Variants in FHIT observed in about 807,000 individuals in gnomAD.
FHIT encodes fragile histidine triad diadenosine triphosphatase.
FHIT carries 19 observed loss-of-function variants against 17.9 expected under a neutral mutation model. The observed-to-expected ratio is 1.06, with a 90% CI of 0.74 to 1.56. The LOEUF is 1.56. FHIT is among the 40% of genes most tolerant of loss of function. The probability of loss-of-function intolerance (pLI) is 0.00; values close to 1 mark genes in which losing one functional copy is unlikely to be tolerated. For synonymous variants in FHIT, 81 were observed against 69.7 expected (o/e 1.16, Z -0.81); for missense variants, 248 against 189.2 (o/e 1.31, Z -1.82).
intron 3 of FHIT, among the ~76,000 whole-genome samples, chr3:60,898,403 C>T (rs577491562): frequency 6.6e-5 from 10 of 152,246 alleles, no homozygotes; most frequent in African/African-American, 2.4e-4. Context: ...TTAAATAGTA[C>T]ACAAGATTTT....
intron 5 of FHIT, among the ~76,000 whole-genome samples, chr3:60,082,508 G>A (rs1703332276): frequency 6.6e-6 from 1 of 152,094 alleles, no homozygotes; most frequent in African/African-American, 2.4e-5. Context: ...GAATTACTGG[G>A]TTGAACAGTA....
chr3:60,008,494 G>C (rs955383766), intron 7 of FHIT, among the ~76,000 whole-genome samples: 5 of 152,094 alleles, frequency 3.3e-5, no homozygotes, highest in African/African-American at 9.7e-5. Context: ...ACCCTACAGT[G>C]GTATCATGTT....
intron 5 of FHIT, among the ~76,000 whole-genome samples, chr3:60,083,240 T>C (rs62238446): frequency 1.3e-5 from 2 of 152,164 alleles, no homozygotes; most frequent in African/African-American, 2.4e-5. Context: ...GCTTAATTTG[T>C]TGACTTTGTC....
At position 61,181,259 on chromosome 3, in the gene FHIT, G is replaced by A. The variant is rs376062028; in HGVS notation, c.-164+19358C>T. On this transcript the variant is annotated intron_variant, in intron 2 of 9. Transcript: ENST00000492590. ...ATAATAGTAACATTATATTTTTCCT[G>A]TCTCTTGATTATCAACAATCAAGAG... Among the ~76,000 whole-genome samples the A allele has an allele frequency of 4.6e-5, 7 of 152,126 alleles. No individual in the cohort carries two copies. In the East Asian group the frequency reaches 5.8e-4, roughly 13 times the overall value.
intron 1 of FHIT, among the ~76,000 whole-genome samples, chr3:61,236,065 T>C (rs530481234): frequency 4.0e-5 from 6 of 151,778 alleles, no homozygotes; most frequent in Non-Finnish European, 5.9e-5. Flanking sequence ...ATCCCCATTT[T>C]TAGATGAGAA....
At chr3:60,635,399 C>T (rs1553683542) in intron 4 of FHIT, among the ~76,000 whole-genome samples, 2 of 152,182 alleles carry the variant, frequency 1.3e-5, no homozygotes, top group African/African-American at 4.8e-5. Context: ...TTTACTGAAC[C>T]ACTTAGTGGC....
intron 1 of FHIT, among the ~76,000 whole-genome samples, chr3:61,209,293 T>C (rs888471801): frequency 1.3e-5 from 2 of 152,208 alleles, no homozygotes; most frequent in African/African-American, 2.4e-5. Flanking sequence ...CAATGAAGTG[T>C]CTTGGAGTTG....
At chr3:60,360,758 A>C (rs2106996868) in intron 5 of FHIT, among the ~76,000 whole-genome samples, 1 of 152,324 alleles carries the variant, frequency 6.6e-6, no homozygotes, top group East Asian at 1.9e-4. Flanking sequence ...TTCCCTTCTC[A>C]AACAGCCTGT....
At chr3:60,261,987 C>G (rs534064726) in intron 5 of FHIT, among the ~76,000 whole-genome samples, 1 of 152,118 alleles carries the variant, frequency 6.6e-6, no homozygotes, top group African/African-American at 2.4e-5. Flanking sequence ...TATAATATTT[C>G]TCCCCTACCA....
At chr3:60,796,280 T>C (rs779593718) in intron 4 of FHIT, among the ~76,000 whole-genome samples, 6 of 152,242 alleles carry the variant, frequency 3.9e-5, no homozygotes, top group African/African-American at 4.8e-5. Context: ...ATGTTTCTTA[T>C]GGATTTATTT....
At chr3:60,342,106 C>G (rs921709887) in intron 5 of FHIT, among the ~76,000 whole-genome samples, 2 of 152,202 alleles carry the variant, frequency 1.3e-5, no homozygotes, top group African/African-American at 4.8e-5. Flanking sequence ...AGGCTCCTCC[C>G]CACTGCACAG....
At chr3:59,882,012 TCTTA>T (rs1185815601) in intron 8 of FHIT, among the ~76,000 whole-genome samples, 6 of 152,310 alleles carry the variant, frequency 3.9e-5, no homozygotes, top group Admixed American at 6.5e-5. Flanking sequence ...ACTTTTTATT[TCTTA>T]CTTTCTTTTT....
intron 5 of FHIT, among the ~76,000 whole-genome samples, chr3:60,029,924 T>A (rs1267694665): frequency 6.6e-6 from 1 of 151,742 alleles, no homozygotes; most frequent in Non-Finnish European, 1.5e-5. Flanking sequence ...TGTGTGTGTG[T>A]GTGTACAAAT....
At chr3:61,188,521 C>T (rs1010561478) in intron 2 of FHIT, among the ~76,000 whole-genome samples, 6 of 152,208 alleles carry the variant, frequency 3.9e-5, no homozygotes, top group African/African-American at 1.4e-4. Context: ...GAGCTAGTAC[C>T]AGTCCTTCTG....
At chr3:60,411,992 T>C (rs1485843339) in intron 5 of FHIT, among the ~76,000 whole-genome samples, 1 of 152,132 alleles carries the variant, frequency 6.6e-6, no homozygotes, top group Non-Finnish European at 1.5e-5. Flanking sequence ...ACTCTAGTAT[T>C]TTCTCTTGCC....
intron 4 of FHIT, among the ~76,000 whole-genome samples, chr3:60,593,956 A>C (rs1368925249): frequency 6.6e-6 from 1 of 152,156 alleles, no homozygotes; most frequent in African/African-American, 2.4e-5. Context: ...ATTTATAGGT[A>C]TAACTTTTCC....
intron 5 of FHIT, among the ~76,000 whole-genome samples, chr3:60,347,947 C>T (rs376840483): frequency 6.6e-6 from 1 of 151,878 alleles, no homozygotes; most frequent in African/African-American, 2.4e-5. Flanking sequence ...TTACTAAAGA[C>T]GAGGTTTCAC....
chr3:60,686,634 T>C (rs893418869), intron 4 of FHIT, among the ~76,000 whole-genome samples: 1 of 152,132 alleles, frequency 6.6e-6, no homozygotes, highest in East Asian at 1.9e-4. Context: ...TGCCTGTGTA[T>C]GTATATTCCA....
chr3:60,421,090 G>C (rs1008706659), intron 5 of FHIT, among the ~76,000 whole-genome samples: 2 of 149,586 alleles, frequency 1.3e-5, no homozygotes, highest in African/African-American at 2.5e-5. Flanking sequence ...GTTTTGATGA[G>C]ATGGCTAGAA....
Sources: allele counts gnomAD v4.1 joint callset (sites outside exome capture counted in the v4.1 genomes callset), GRCh38; gene constraint gnomAD v4.1.1; transcripts MANE v1.5; gene names NCBI Gene and HGNC (gene_info 2026-07-23, HGNC 2026-07-21).